The following ZMAT4 variants were observed in gnomAD, a reference collection of about 807,000 sequenced individuals.
The protein encoded by ZMAT4 is zinc finger matrin-type protein 4.
A neutral mutation model predicts 28.7 loss-of-function variants in ZMAT4; 17 were observed. The observed-to-expected ratio is 0.59, with a 90% CI of 0.41 to 0.89. The LOEUF is 0.89. ZMAT4 is among the 40% of genes least tolerant of loss of function. The pLI is 0.00. For synonymous variants in ZMAT4, 117 were observed against 109.2 expected (o/e 1.07, Z -0.44); for missense variants, 240 against 283.8 (o/e 0.85, Z 1.11).
chr8:40,601,828 A>G lies in ZMAT4; in HGVS notation c.578-20567T>C, dbSNP rs192058886. On this transcript the variant is annotated intron_variant, in intron 5 of 6. Coordinates refer to ENST00000297737, the MANE Select transcript of ZMAT4 (RefSeq NM_024645.3). ...TCCTCTTACATCGTCAATGCTTCTC[A>G]AAATATCTTTGGTACAGGCAACAGA... Among the ~76,000 whole-genome samples, 732 of 152,322 alleles carry G rather than the reference A, an allele frequency of 4.8e-3. 2 individuals carry two copies. Among genetic ancestry groups the G allele is most frequent in the Non-Finnish European group, 7.9e-3 (536 of 68,034 alleles).
chr8:40,568,178 C>A (rs1803981705), intron 6 of ZMAT4, among the ~76,000 whole-genome samples: 1 of 152,082 alleles, frequency 6.6e-6, no homozygotes, highest in Admixed American at 6.6e-5. Flanking sequence ...TTGTACATGA[C>A]TGACAAAATG....
intron 5 of ZMAT4, among the ~76,000 whole-genome samples, chr8:40,663,418 C>A (rs1467338788): frequency 6.6e-6 from 1 of 152,118 alleles, no homozygotes; most frequent in Non-Finnish European, 1.5e-5. Context: ...AGACTTCAAA[C>A]CCTTTGAGAT....
At chr8:40,859,337 C>T (rs1817407557) in intron 1 of ZMAT4, among the ~76,000 whole-genome samples, 1 of 152,160 alleles carries the variant, frequency 6.6e-6, no homozygotes, top group Non-Finnish European at 1.5e-5. Flanking sequence ...AAAGGCAATG[C>T]TCCTTCCTTT....
chr8:40,639,812 T>C (rs1357732446), intron 5 of ZMAT4, among the ~76,000 whole-genome samples: 1 of 151,728 alleles, frequency 6.6e-6, no homozygotes, highest in Non-Finnish European at 1.5e-5. Flanking sequence ...ATTCTTTGTA[T>C]ATATTCTATT....
At chr8:40,694,132 T>G (rs1809773870) in intron 4 of ZMAT4, among the ~76,000 whole-genome samples, 1 of 152,146 alleles carries the variant, frequency 6.6e-6, no homozygotes, top group African/African-American at 2.4e-5. Context: ...GGCAGAGCGG[T>G]TCCTAGAGGA....
intron 3 of ZMAT4, among the ~76,000 whole-genome samples, chr8:40,727,486 G>C (rs1811361818): frequency 6.6e-6 from 1 of 152,174 alleles, no homozygotes; most frequent in Non-Finnish European, 1.5e-5. Context: ...GTGCTAAGTG[G>C]ATGTATTTCT....
At chr8:40,849,391 C>T (rs1817021986) in intron 1 of ZMAT4, among the ~76,000 whole-genome samples, 1 of 152,204 alleles carries the variant, frequency 6.6e-6, no homozygotes, top group Non-Finnish European at 1.5e-5. Context: ...CATTTCCCCA[C>T]CCACCTCTCT....
At chr8:40,758,103 T>C (rs543134452) in intron 3 of ZMAT4, among the ~76,000 whole-genome samples, 21 of 152,282 alleles carry the variant, frequency 1.4e-4, no homozygotes, top group Admixed American at 3.9e-4. Flanking sequence ...GCTTCTTTTT[T>C]CCTCAGCTTG....
chr8:40,747,083 A>G (rs1204636777), intron 3 of ZMAT4, among the ~76,000 whole-genome samples: 1 of 152,192 alleles, frequency 6.6e-6, no homozygotes, highest in Non-Finnish European at 1.5e-5. Flanking sequence ...TGTGCTCACT[A>G]CTTATGCTAT....
chr8:40,890,172 G>C (rs922493644), intron 1 of ZMAT4, among the ~76,000 whole-genome samples: 3 of 152,136 alleles, frequency 2.0e-5, no homozygotes, highest in African/African-American at 4.8e-5. Flanking sequence ...TCAGGGAAAG[G>C]CTGATTTTTA....
chr8:40,881,536 A>AATG (rs144607359), intron 1 of ZMAT4, among the ~76,000 whole-genome samples: 2 of 47,112 alleles, frequency 4.2e-5, no homozygotes, highest in African/African-American at 8.6e-5. Context: ...GACAGAAAGA[A>AATG]AGAAAGAAAG....
chr8:40,756,824 C>A (rs906880961), intron 3 of ZMAT4, among the ~76,000 whole-genome samples: 2 of 152,020 alleles, frequency 1.3e-5, no homozygotes, highest in Non-Finnish European at 2.9e-5. Flanking sequence ...CCTCATTTTA[C>A]GTACGTTTCT....
Position 40,875,752 on chromosome 8 carries a change from G to A in ZMAT4, c.-5+21931C>T, listed in dbSNP as rs367696787. Among the ~76,000 whole-genome samples, 36 of 152,204 alleles carry A rather than the reference G, an allele frequency of 2.4e-4. 1 individual carries two copies. Among genetic ancestry groups the A allele is most frequent in the African/African-American group, 7.9e-4 (33 of 41,514 alleles). ...TACAAGTTCTGCCCACAGTGCCCGG[G>A]CCGGTCAGGCAGTAAGACGATGGAG... On this transcript the variant is annotated intron_variant, in intron 1 of 6. Coordinates refer to ENST00000297737, the MANE Select transcript of ZMAT4 (RefSeq NM_024645.3).
chr8:40,889,583 CTAGT>C (rs1389698698), intron 1 of ZMAT4, among the ~76,000 whole-genome samples: 1 of 152,188 alleles, frequency 6.6e-6, no homozygotes, highest in Non-Finnish European at 1.5e-5. Context: ...ATATTCTGCT[CTAGT>C]TCTCAGGACT....
At chr8:40,661,272 G>A (rs1163033555) in intron 5 of ZMAT4, among the ~76,000 whole-genome samples, 1 of 152,090 alleles carries the variant, frequency 6.6e-6, no homozygotes, top group Non-Finnish European at 1.5e-5. Context: ...GCTAATTTTT[G>A]TATTTTTTGT....
chr8:40,747,865 A>G (rs2150543191), intron 3 of ZMAT4, among the ~76,000 whole-genome samples: 1 of 152,328 alleles, frequency 6.6e-6, no homozygotes, highest in South Asian at 2.1e-4. Flanking sequence ...CATACAGATG[A>G]AATGTGAAGA....
At chr8:40,534,995 C>T (rs1307788831) in intron 6 of ZMAT4, among the ~76,000 whole-genome samples, 1 of 152,024 alleles carries the variant, frequency 6.6e-6, no homozygotes, top group East Asian at 1.9e-4. Flanking sequence ...CATTTGCTAC[C>T]TTTCTAAAAC....
At chr8:40,670,179 G>A (rs1372706182) in intron 5 of ZMAT4, among the ~76,000 whole-genome samples, 3 of 152,130 alleles carry the variant, frequency 2.0e-5, no homozygotes, top group Non-Finnish European at 4.4e-5. Context: ...TTACAGTGTG[G>A]TGCTGGTATA....
intron 1 of ZMAT4, among the ~76,000 whole-genome samples, chr8:40,853,353 G>C (rs938614910): frequency 6.6e-6 from 1 of 152,076 alleles, no homozygotes; most frequent in African/African-American, 2.4e-5. Flanking sequence ...TCAGGAGTTC[G>C]AGACCAGCCT....
Sources: allele counts gnomAD v4.1 joint callset (sites outside exome capture counted in the v4.1 genomes callset), GRCh38; gene constraint gnomAD v4.1.1; transcripts MANE v1.5; gene names NCBI Gene and HGNC (gene_info 2026-07-23, HGNC 2026-07-21).